PLEKHG4: variants seen among roughly 807,000 people sequenced by gnomAD.
PLEKHG4 encodes puratrophin-1.
Under a neutral mutation model 136.9 loss-of-function variants are expected in PLEKHG4, and 85 were observed. The ratio of observed to expected loss-of-function variants is 0.62; its 90% CI spans 0.52 to 0.74. The LOEUF (loss-of-function observed/expected upper bound fraction) is 0.74. PLEKHG4 is among the 30% of genes least tolerant of loss of function. The pLI is 0.00. For synonymous variants in PLEKHG4, 577 were observed against 646.9 expected (o/e 0.89, Z 1.64); for missense variants, 1,317 against 1,527.8 (o/e 0.86, Z 2.30).
intron 14 of PLEKHG4, 49 bp from the exon 15 acceptor site, chr16:67,286,225 T>C: frequency 7.2e-7 from 1 of 1,380,730 alleles, no homozygotes; most frequent in South Asian, 1.2e-5. Context: ...TGTGCCAGCC[T>C]TAGGGAGCTG....
chr16:67,288,863 CCT>C lies in PLEKHG4; in HGVS notation c.*60_*61del, dbSNP rs1567444230. On this transcript the variant is annotated 3_prime_UTR_variant, in exon 22 of 22. Transcript: ENST00000379344. ...CAGCCTGCAGCTCCAAGGAACATTGCCTCTCTGGATCTGCTGTGACCAGGGTG... is the reference window on the plus strand; with the variant it reads ...CAGCCTGCAGCTCCAAGGAACATTGCCTCTGGATCTGCTGTGACCAGGGTG... 3 of 1,600,290 alleles carry C rather than the reference CCT, an allele frequency of 1.9e-6. No individual in the cohort carries two copies. The highest frequency in any genetic ancestry group is 2.6e-6 in the Non-Finnish European group (3 of 1,170,806).
In PLEKHG4 at chr16:67,284,226, GC is replaced by G; in HGVS notation, c.1510-48del. ...CAGCAGGAAGTATCTGAGTCTGGGG[GC>G]TAGACCGCCAGGCCTGGGCTGGCTG... On this transcript the variant is annotated intron_variant, in intron 11 of 21. Transcript: ENST00000379344. The surrounding 1 kb of genome is among the most constrained non-coding windows in gnomAD (Gnocchi z 4.4). The G allele has an allele frequency of 6.4e-7, 1 of 1,551,918 alleles. No homozygotes were observed. Among genetic ancestry groups the G allele is most frequent in the Non-Finnish European group, 8.9e-7 (1 of 1,129,162 alleles).
intron 18 of PLEKHG4, 197 bp from the exon 19 acceptor site, chr16:67,287,701 C>T (rs974432814): frequency 3.1e-6 from 2 of 645,706 alleles, no homozygotes; most frequent in African/African-American, 1.8e-5. Context: ...CCAGGGGCCT[C>T]ATCTTTAAAA....
Position 67,286,323 on chromosome 16 carries a change from C to T in PLEKHG4, c.2492C>T (p.Ser831Phe). Residue 831 changes from serine (S) to phenylalanine (F), a missense_variant, in exon 15 of 22, where the codon TCC (serine) becomes TTC (phenylalanine). Transcript: ENST00000379344. ...YALYSKNKPR[S>F]DALMSSYGHT... ...CTCTACAGCAAGAATAAGCCTCGCT[C>T]CGATGCCCTGATGTCAAGCTATGGG... The T allele has an allele frequency of 1.2e-6, 2 of 1,613,982 alleles. No individual in the cohort carries two copies. Among genetic ancestry groups the T allele is most frequent in the Non-Finnish European group, 1.7e-6 (2 of 1,179,858 alleles).
At position 67,281,191 on chromosome 16, in the gene PLEKHG4, A is replaced by C. The variant is rs1183679275; in HGVS notation, c.813+7A>C. On this transcript the variant is annotated splice_region_variant and intron_variant, in intron 5 of 21. Transcript: ENST00000379344. ...TGGGCTCAGCCAACTACAAGTGAGT[A>C]CAGGATTGTAGCTCCCCTCATTCCT... 6.3e-7 allele frequency: 1 copy of C among 1,582,248 alleles called. No homozygotes were observed. The highest frequency in any genetic ancestry group is 2.2e-5 in the East Asian group (1 of 44,728).
chr16:67,288,181 G>GCGTCCATTGC lies in PLEKHG4; in HGVS notation c.3239_3248dup (p.Ala1084HisfsTer7). ...CTCTTATGCAGAAGTTCGCTCTCGG[G>GCGTCCATTGC]CGTCCATTGCCGTAGCCCCGTTTGA... On this transcript the variant is annotated frameshift_variant, in exon 20 of 22. Transcript: ENST00000379344. LOFTEE classifies it high-confidence loss of function. The GCGTCCATTGC allele has an allele frequency of 6.2e-7, 1 of 1,614,002 alleles. No homozygotes were observed. Among genetic ancestry groups the GCGTCCATTGC allele is most frequent in the Non-Finnish European group, 8.5e-7 (1 of 1,179,940 alleles).
chr16:67,280,150 G>A lies in PLEKHG4; in HGVS notation c.106G>A (p.Glu36Lys), dbSNP rs770936021. Residue 36 changes from glutamate (E) to lysine (K), a missense_variant, in exon 2 of 22, where the codon GAA (glutamate) becomes AAA (lysine). By Grantham distance (56) the Glu-to-Lys change is moderately conservative. Coordinates refer to ENST00000379344, the MANE Select transcript of PLEKHG4 (RefSeq NM_001129729.3). This position sits in a 1 kb window ranked among gnomAD's most constrained non-coding sequence, Gnocchi z 4.4. ...CSFRDAWEEE[E>K]PASQMHVKDP... ...TTTCAGGGATGCCTGGGAAGAGGAG[G>A]AACCTGCTTCCCAGATGCACGTTAA... 1.2e-5 allele frequency: 20 copies of A among 1,613,588 alleles called. No homozygotes were observed. The Admixed American group carries it at 2.7e-4, about 22-fold the overall frequency.
Position 67,289,027 on chromosome 16 carries a change from C to T in PLEKHG4, c.*219C>T, listed in dbSNP as rs576013994. The T allele has an allele frequency of 7.7e-6, 5 of 647,726 alleles. No homozygotes were observed. Among genetic ancestry groups the T allele is most frequent in the Non-Finnish European group, 1.4e-5 (5 of 355,416 alleles). The allele number at this position is 647,726 out of a possible 1,614,324, so 40.1% of individuals were successfully genotyped here. ...TTGTAGAGCCTGAATAGGCTCCTGG[C>T]CCCATGACCCCTTCTCCTGTCCCCA... On this transcript the variant is annotated 3_prime_UTR_variant, in exon 22 of 22. Transcript: ENST00000379344.
chr16:67,287,063 C>T lies in PLEKHG4; in HGVS notation c.2989C>T (p.Arg997Cys), dbSNP rs763033199. ...CAACCTGCGCTTCGAGATCTGGTTCCGCCGCCGCAAGGCCAGGGACACCTT... is the reference window on the plus strand; with the variant it reads ...CAACCTGCGCTTCGAGATCTGGTTCTGCCGCCGCAAGGCCAGGGACACCTT... ...NSNLRFEIWF[R>C]RRKARDTFVL... The change falls in exon 18 of 22, where the codon CGC (arginine) becomes TGC (cysteine). Residue 997 changes from arginine to cysteine, a missense_variant. Coordinates refer to ENST00000379344, the MANE Select transcript of PLEKHG4 (RefSeq NM_001129729.3). 1.2e-5 allele frequency: 19 copies of T among 1,613,328 alleles called. No individual in the cohort carries two copies. Among genetic ancestry groups the T allele is most frequent in the Middle Eastern group, 1.6e-4 (1 of 6,084 alleles).
rs146214539 is a variant in PLEKHG4 at position 67,286,780 on chromosome 16, G to A, written c.2786G>A (p.Arg929Gln). ...VNLKEQGQLV[R>Q]QDEFVVRTGR... The stretch of plus-strand genomic sequence containing the variant: ...CTCAAGGAACAGGGGCAGCTGGTGC[G>A]ACAGGATGAGTTTGTGGTGCGCACT... Residue 929 changes from arginine (R) to glutamine (Q), a missense_variant, in exon 17 of 22, where the codon CGA (arginine) becomes CAA (glutamine). Arg to Gln is a conservative substitution (Grantham distance 43). Transcript: ENST00000379344. 2.4e-5 allele frequency: 39 copies of A among 1,613,996 alleles called. No homozygotes were observed. The highest frequency in any genetic ancestry group is 1.4e-4 in the South Asian group (13 of 91,092).
intron 10 of PLEKHG4, 25 bp downstream of exon 10, chr16:67,282,666 G>T: frequency 1.2e-6 from 2 of 1,613,640 alleles, no homozygotes; most frequent in Non-Finnish European, 1.7e-6. Context: ...CCCAGAGTGG[G>T]CCCTGCCCCG....
intron 19 of PLEKHG4, 59 bp from the exon 20 acceptor site, chr16:67,288,108 G>A: frequency 6.4e-7 from 1 of 1,565,680 alleles, no homozygotes; most frequent in Non-Finnish European, 8.8e-7. Flanking sequence ...CACTTTCCTT[G>A]GGATCTGGGG....
intron 19 of PLEKHG4, 26 bp from the exon 20 acceptor site, chr16:67,288,141 C>G: frequency 6.2e-7 from 1 of 1,604,838 alleles, no homozygotes. Flanking sequence ...CTGGCCTGTC[C>G]CAACCTGACC....
Position 67,286,894 on chromosome 16 carries a change from C to T in PLEKHG4, c.2900C>T (p.Thr967Ile), listed in dbSNP as rs531754495. 1 of 1,613,986 alleles carries T rather than the reference C, an allele frequency of 6.2e-7. No individual in the cohort carries two copies. The highest frequency in any genetic ancestry group is 1.3e-5 in the African/African-American group (1 of 75,068). ...KPRHGPTGVD[T>I]FAYKRSFKMA... ...CGCCATGGGCCCACAGGGGTTGACACATTTGCCTACAAGCGCTCCTTCAAG... is the reference window on the plus strand; with the variant it reads ...CGCCATGGGCCCACAGGGGTTGACATATTTGCCTACAAGCGCTCCTTCAAG... The change falls in exon 17 of 22, where the codon ACA (threonine) becomes ATA (isoleucine). Residue 967 changes from threonine to isoleucine, a missense_variant. By Grantham distance (89) the Thr-to-Ile change is moderately conservative (BLOSUM62 -1). Transcript: ENST00000379344.
rs1329431653 is a variant in PLEKHG4 at position 67,282,613 on chromosome 16, T to C, written c.1364T>C (p.Leu455Pro). 6.2e-7 allele frequency: 1 copy of C among 1,613,834 alleles called. No individual in the cohort carries two copies. Among genetic ancestry groups the C allele is most frequent in the African/African-American group, 1.3e-5 (1 of 74,928 alleles). ...CAGGCCCTAGAGTTGGTCCAAACAC[T>C]GGAGGCCCGGGAAAGCGGACTGCAC... is the stretch of plus-strand genomic sequence containing the variant. ...RIQALELVQT[L>P]EARESGLHQI... The change falls in exon 10 of 22, where the codon CTG becomes CCG. Residue 455 changes from leucine to proline, a missense_variant. Coordinates refer to ENST00000379344, the MANE Select transcript of PLEKHG4 (RefSeq NM_001129729.3).
At chr16:67,278,872 TGGA>T (rs1183134007), upstream of PLEKHG4, 1 of 152,276 alleles carries the variant, frequency 6.6e-6, no homozygotes, top group South Asian at 2.1e-4. Flanking sequence ...CCGGACTTTG[TGGA>T]GAAGGGGGTA....
chr16:67,286,198 C>A, intron 14 of PLEKHG4, 76 bp from the exon 15 acceptor site: 1 of 1,046,044 alleles, frequency 9.6e-7, no homozygotes, highest in Non-Finnish European at 1.5e-6. Flanking sequence ...TCCTCTCAAG[C>A]TGAGGGTGGT....
At position 67,286,755 on chromosome 16, in the gene PLEKHG4, C is replaced by G. The variant is rs757510920; in HGVS notation, c.2761C>G (p.Leu921Val). The change falls in exon 17 of 22, where the codon CTC becomes GTC. Residue 921 changes from leucine (L) to valine (V), a missense_variant. By Grantham distance (32) the Leu-to-Val change is conservative. Transcript: ENST00000379344. ...CCAGCCCCCAACTCTGCAGGTTAAC[C>G]TCAAGGAACAGGGGCAGCTGGTGCG... ...MDAIQGCDVN[L>V]KEQGQLVRQD... 12 of 1,613,814 alleles carry G rather than the reference C, an allele frequency of 7.4e-6. No homozygotes were observed. Among genetic ancestry groups the G allele is most frequent in the Non-Finnish European group, 9.3e-6 (11 of 1,179,868 alleles).
rs2036461003 is a variant in PLEKHG4 at position 67,286,259 on chromosome 16, C to T, written c.2443-15C>T. ...TGGCCCCTTTGCACTGGGGCTGAGC[C>T]ACATGTCCTTGTAGAGGGTGCAGTT... is the stretch of plus-strand genomic sequence containing the variant. On this transcript the variant is annotated splice_polypyrimidine_tract_variant and intron_variant, in intron 14 of 21. Transcript: ENST00000379344. 1.9e-6 allele frequency: 3 copies of T among 1,597,692 alleles called. No homozygotes were observed. The highest frequency in any genetic ancestry group is 2.6e-6 in the Non-Finnish European group (3 of 1,165,050).
Sources: gnomAD v4.1 joint callset for allele counts on GRCh38, gnomAD v4.1.1 for gene constraint, Gnocchi (gnomAD v3.1) non-coding constraint, MANE v1.5 for transcripts, NCBI Gene and HGNC (gene_info 2026-07-23, HGNC 2026-07-21) for gene names.